TAFA1: variants seen among roughly 807,000 people sequenced by gnomAD.
The protein encoded by TAFA1 is chemokine-like protein TAFA-1.
Under a neutral mutation model 18.5 loss-of-function variants are expected in TAFA1, and 4 were observed. That is an observed-to-expected ratio of 0.22 (90% CI 0.11 to 0.49). The LOEUF (loss-of-function observed/expected upper bound fraction) is 0.49, where lower values mean the gene tolerates loss of function less well. Among genes scored for constraint, TAFA1 ranks in the 20% least tolerant of loss-of-function variants. TAFA1 has a pLI of 0.98. For missense variants in TAFA1, 147 were observed against 169.0 expected (o/e 0.87, Z 0.72); for synonymous variants, 56 against 55.2 (o/e 1.01, Z -0.06).
intron 2 of TAFA1, among the ~76,000 whole-genome samples, chr3:68,151,115 T>C (rs2065801931): frequency 6.6e-6 from 1 of 152,100 alleles, no homozygotes; most frequent in African/African-American, 2.4e-5. Flanking sequence ...CATAGACTTA[T>C]ACCTCACACA....
At chr3:68,510,648 A>C (rs569641295) in intron 3 of TAFA1, among the ~76,000 whole-genome samples, 1 of 152,240 alleles carries the variant, frequency 6.6e-6, no homozygotes, top group South Asian at 2.1e-4. Flanking sequence ...GAATTTACAC[A>C]CTTTTTAGGA....
chr3:68,003,409 A>C (rs543410385), upstream of TAFA1, among the ~76,000 whole-genome samples: 3 of 152,240 alleles, frequency 2.0e-5, no homozygotes, highest in Admixed American at 1.3e-4. Context: ...AAGATTAGAC[A>C]GTATCATCTA....
intron 2 of TAFA1, among the ~76,000 whole-genome samples, chr3:68,262,243 C>T (rs1205601626): frequency 6.9e-6 from 1 of 145,262 alleles, no homozygotes. Context: ...ATTACCCAAA[C>T]CCTAAGTCCT....
At chr3:68,032,649 C>T (rs1407210570) in intron 2 of TAFA1, among the ~76,000 whole-genome samples, 1 of 152,052 alleles carries the variant, frequency 6.6e-6, no homozygotes, top group Non-Finnish European at 1.5e-5. Flanking sequence ...TTCCACTTCC[C>T]TTCCCACTCC....
chr3:68,255,381 A>G (rs1575714020), intron 2 of TAFA1, among the ~76,000 whole-genome samples: 1 of 152,190 alleles, frequency 6.6e-6, no homozygotes, highest in South Asian at 2.1e-4. Context: ...TGCAGTAATC[A>G]TTAAATCTGG....
At chr3:68,064,090 A>G (rs1352153810) in intron 2 of TAFA1, among the ~76,000 whole-genome samples, 1 of 152,226 alleles carries the variant, frequency 6.6e-6, no homozygotes, top group Non-Finnish European at 1.5e-5. Flanking sequence ...AGAAAAATAA[A>G]TTCAAATATG....
At chr3:68,449,305 G>T (rs1454436507) in intron 3 of TAFA1, among the ~76,000 whole-genome samples, 1 of 152,106 alleles carries the variant, frequency 6.6e-6, no homozygotes, top group East Asian at 1.9e-4. Flanking sequence ...TTTGTATGCA[G>T]GAAATGAGAC....
intron 2 of TAFA1, among the ~76,000 whole-genome samples, chr3:68,271,294 C>G (rs1193743198): frequency 1.3e-5 from 2 of 152,100 alleles, no homozygotes; most frequent in Non-Finnish European, 2.9e-5. Context: ...TGCTTCCCAG[C>G]TGGACCCACA....
intron 2 of TAFA1, among the ~76,000 whole-genome samples, chr3:68,251,530 GA>G (rs2067195819): frequency 6.6e-6 from 1 of 152,202 alleles, no homozygotes; most frequent in Non-Finnish European, 1.5e-5. Context: ...TTCAGTGGAG[GA>G]GAAAGACAAT....
rs2065095728 is a variant in TAFA1 at position 68,097,145 on chromosome 3, A to T, written c.118+90401A>T. 2.6e-5 allele frequency among the ~76,000 whole-genome samples: 4 copies of T among 152,140 alleles called. No individual in the cohort carries two copies. In the South Asian group the frequency reaches 8.3e-4, roughly 31 times the overall value. ...TTCCGACCTTGTGTTCACCATGAAT[A>T]TATCATAAGAGAAATGATCGCCTGA... On this transcript the variant is annotated intron_variant, in intron 2 of 4. Transcript: ENST00000478136.
At chr3:68,184,703 T>G (rs2066249310) in intron 2 of TAFA1, among the ~76,000 whole-genome samples, 1 of 152,120 alleles carries the variant, frequency 6.6e-6, no homozygotes, top group South Asian at 2.1e-4. Flanking sequence ...GAGCAAAGGT[T>G]AACTACTCAC....
At chr3:68,056,244 A>C (rs952926386) in intron 2 of TAFA1, among the ~76,000 whole-genome samples, 2 of 152,180 alleles carry the variant, frequency 1.3e-5, no homozygotes, top group African/African-American at 4.8e-5. Context: ...TTCTAGCTGC[A>C]AAGACCAATT....
rs377659410 is a variant in TAFA1, at chr3:68,210,353, C to T, written c.118+203609C>T. ...CATCCTGACAGGCCAGGTATTCTCA[C>T]CATGGTTATCAGTGTGAATACACAT... is the stretch of plus-strand genomic sequence containing the variant. On this transcript the variant is annotated intron_variant, in intron 2 of 4. Coordinates refer to ENST00000478136, the MANE Select transcript of TAFA1 (RefSeq NM_213609.4). Among the ~76,000 whole-genome samples, 6 of 152,074 alleles carry T rather than the reference C, an allele frequency of 3.9e-5. No homozygotes were observed. The East Asian group carries it at 7.8e-4, about 20-fold the overall frequency.
intron 2 of TAFA1, among the ~76,000 whole-genome samples, chr3:68,119,494 T>C (rs1487863810): frequency 6.6e-6 from 1 of 152,234 alleles, no homozygotes; most frequent in Non-Finnish European, 1.5e-5. Context: ...CTATTCTTTC[T>C]TCTAAGCTTT....
intron 2 of TAFA1, among the ~76,000 whole-genome samples, chr3:68,062,361 A>C (rs1446488166): frequency 6.6e-6 from 1 of 152,212 alleles, no homozygotes; most frequent in Non-Finnish European, 1.5e-5. Context: ...GATCCTAGGC[A>C]AATCTTTCAA....
chr3:68,365,271 A>G (rs996470410), intron 2 of TAFA1, among the ~76,000 whole-genome samples: 4 of 152,234 alleles, frequency 2.6e-5, no homozygotes, highest in African/African-American at 7.2e-5. Flanking sequence ...TGATAGATCT[A>G]GATCTTGAAC....
chr3:67,996,945 G>A, the TAFA1 span, among the ~76,000 whole-genome samples: 1,266 of 152,268 alleles, frequency 8.3e-3, 6 homozygotes, highest in Non-Finnish European at 0.014. Flanking sequence ...AGATGCTACA[G>A]CAAGTGCAGT....
intron 2 of TAFA1, among the ~76,000 whole-genome samples, chr3:68,254,135 ATCTATCTATCTATCTATCTATCTG>A (rs1355492929): frequency 6.5e-5 from 9 of 137,478 alleles, no homozygotes; most frequent in African/African-American, 1.7e-4. Flanking sequence ...GTATGTATGT[ATCTATCTATCTATCTATCTATCTG>A]TCTATCTATC....
At chr3:68,166,883 C>T (rs1486592186) in intron 2 of TAFA1, among the ~76,000 whole-genome samples, 1 of 152,130 alleles carries the variant, frequency 6.6e-6, no homozygotes, top group Non-Finnish European at 1.5e-5. Flanking sequence ...GCCGTGAAGC[C>T]TTACCCAGTA....
Sources: allele counts gnomAD v4.1 joint callset (sites outside exome capture counted in the v4.1 genomes callset), GRCh38; gene constraint gnomAD v4.1.1; transcripts MANE v1.5; gene names NCBI Gene and HGNC (gene_info 2026-07-23, HGNC 2026-07-21).